The following CELSR1 variants were observed in gnomAD, a reference collection of about 807,000 sequenced individuals.
CELSR1 encodes the protein cadherin EGF LAG seven-pass G-type receptor 1.
Under a neutral mutation model 249.1 loss-of-function variants are expected in CELSR1, and 110 were observed. That is an observed-to-expected ratio of 0.44 (90% confidence interval 0.38 to 0.52). CELSR1 has a LOEUF of 0.52. Among genes scored for constraint, CELSR1 ranks in the 20% least tolerant of loss-of-function variants. CELSR1 has a pLI of 0.00. For synonymous variants in CELSR1, 2,113 were observed against 1,900.0 expected (o/e 1.11, Z -2.92); for missense variants, 4,109 against 4,296.4 (o/e 0.96, Z 1.22).
rs1376806921 is a variant in CELSR1 at position 46,537,008 on chromosome 22, C to T, written c.163G>A (p.Ala55Thr). 7 of 1,108,058 alleles carry T rather than the reference C, an allele frequency of 6.3e-6. No individual in the cohort carries two copies. Among genetic ancestry groups the T allele is most frequent in the Admixed American group, 5.0e-5 (1 of 19,822 alleles). 68.6% of individuals were successfully genotyped at this position (1,108,058 alleles called of 1,614,324 possible). A position where few individuals can be genotyped will look rare whatever the true frequency, so the allele number is the denominator to read the frequency against. ...TCCCGCGGCGCCCGGGGCGTGCAAGCGGCGCCCACCGCGTAGGTACAGCCG... is the reference window on the plus strand; with the variant it reads ...TCCCGCGGCGCCCGGGGCGTGCAAGTGGCGCCCACCGCGTAGGTACAGCCG... The part of the protein sequence containing the change: ...RPGCTYAVGA[A>T]CTPRAPRELL... Residue 55 changes from alanine (A) to threonine (T), a missense_variant, in exon 1 of 35, where the codon GCT becomes ACT. By Grantham distance (58) the Ala-to-Thr change is moderately conservative. Coordinates refer to ENST00000674500, the MANE Select transcript of CELSR1 (RefSeq NM_001378328.1). This position sits in a 1 kb window ranked among gnomAD's most constrained non-coding sequence, Gnocchi z 5.8.
intron 32 of CELSR1, 118 bp from the exon 33 acceptor site, chr22:46,364,854 C>T: frequency 9.5e-7 from 1 of 1,052,540 alleles, no homozygotes; most frequent in Non-Finnish European, 1.4e-6. Flanking sequence ...CCTGGTAGGG[C>T]TGAACCCTAA....
At chr22:46,457,432 G>A (rs768658313) in intron 2 of CELSR1, among the ~76,000 whole-genome samples, 7 of 152,236 alleles carry the variant, frequency 4.6e-5, no homozygotes, top group East Asian at 3.9e-4. Flanking sequence ...AAGCAGCCCC[G>A]GCCCACTGGC....
At position 46,432,394 on chromosome 22, in the gene CELSR1, G is replaced by A. The variant is rs1277953511; in HGVS notation, c.4611+999C>T. On this transcript the variant is annotated intron_variant, in intron 5 of 34. Coordinates refer to ENST00000674500, the MANE Select transcript of CELSR1 (RefSeq NM_001378328.1). ...GGGTCGATTCTCCTGGAGGACAGAGGAGCCCTCGTCTGCCAACCAAGCTTA... is the reference window on the plus strand; with the variant it reads ...GGGTCGATTCTCCTGGAGGACAGAGAAGCCCTCGTCTGCCAACCAAGCTTA... 2.6e-5 allele frequency among the ~76,000 whole-genome samples: 4 copies of A among 152,152 alleles called. No homozygotes were observed. In the South Asian group the frequency reaches 6.2e-4, roughly 24 times the overall value.
intron 1 of CELSR1, among the ~76,000 whole-genome samples, chr22:46,511,660 C>T (rs2080575194): frequency 6.6e-6 from 1 of 152,192 alleles, no homozygotes; most frequent in East Asian, 1.9e-4. Context: ...CCCCACAATG[C>T]CACACTCCCC....
chr22:46,378,798 C>A, intron 22 of CELSR1, 81 bp from the exon 23 acceptor site: 1 of 1,521,722 alleles, frequency 6.6e-7, no homozygotes, highest in Non-Finnish European at 8.9e-7. Context: ...TTTGCCCAGC[C>A]CTGGGGGCTC....
intron 5 of CELSR1, among the ~76,000 whole-genome samples, chr22:46,422,592 AAAAT>A (rs547687556): frequency 1.7e-4 from 25 of 149,056 alleles, no homozygotes; most frequent in South Asian, 4.2e-4. Context: ...ATAATAATAA[AAAAT>A]AAATAAATAA....
chr22:46,468,049 A>C lies in CELSR1; in HGVS notation c.3545-3704T>G, dbSNP rs2080116266. On this transcript the variant is annotated intron_variant, in intron 1 of 34. Coordinates refer to ENST00000674500, the MANE Select transcript of CELSR1 (RefSeq NM_001378328.1). The surrounding 1 kb of genome is among the most constrained non-coding windows in gnomAD (Gnocchi z 4.5). ...ATAGCAGCGCTATTCACAAGAGCTG[A>C]AACATGGAAGTGACCTGCGTCCACC... Among the ~76,000 whole-genome samples, 1 of 152,172 alleles carries C rather than the reference A, an allele frequency of 6.6e-6. No individual in the cohort carries two copies. The highest frequency in any genetic ancestry group is 2.4e-5 in the African/African-American group (1 of 41,452).
chr22:46,504,504 C>CA (rs11341314), intron 1 of CELSR1, among the ~76,000 whole-genome samples: 17,667 of 108,948 alleles, frequency 0.16, 1,382 homozygotes, highest in South Asian at 0.26. Flanking sequence ...CATCTGTCTC[C>CA]AAAAAAAAAA....
Position 46,463,760 on chromosome 22 carries a change from C to G in CELSR1, c.4130G>C (p.Arg1377Pro). The part of the protein sequence containing the change: ...CYSDPCGANG[R>P]CRSREGGYTC... ...GTAGCCGCCCTCGCGGCTGCGGCAG[C>G]GGCCGTTGGCGCCGCACGGGTCGGA... Residue 1377 changes from arginine (R) to proline (P), a missense_variant, in exon 2 of 35, where the codon CGC becomes CCC. Transcript: ENST00000674500. The G allele has an allele frequency of 3.9e-6, 6 of 1,546,860 alleles. No individual in the cohort carries two copies. The South Asian group carries it at 7.5e-5, about 19-fold the overall frequency.
At chr22:46,438,087 G>A (rs938111397) in intron 3 of CELSR1, among the ~76,000 whole-genome samples, 1 of 152,102 alleles carries the variant, frequency 6.6e-6, no homozygotes, top group Non-Finnish European at 1.5e-5. Context: ...CACCGCTGGC[G>A]ACGGAGCAAT....
rs1211344092 is a variant in CELSR1, at chr22:46,535,932, C to T, written c.1239G>A (p.Ala413=). ...CGGCCGCCTCCTCCCGGTCCAGCAC[C>T]GCCCGTGTGCTCACCACGCCAGAGC... ...NESSGVVSTR[A]VLDREEAAEY... Residue 413 remains alanine, a synonymous_variant, in exon 1 of 35, where the codon GCG becomes GCA. Coordinates refer to ENST00000674500, the MANE Select transcript of CELSR1 (RefSeq NM_001378328.1). 7 of 1,609,750 alleles carry T rather than the reference C, an allele frequency of 4.3e-6. No homozygotes were observed. The highest frequency in any genetic ancestry group is 4.0e-5 in the African/African-American group (3 of 75,060).
At position 46,500,697 on chromosome 22, in the gene CELSR1, T is replaced by C. The variant is rs1165982207; in HGVS notation, c.3544+32930A>G. The stretch of plus-strand genomic sequence containing the variant: ...TGCCATTTTTCTTACTTTATTATAA[T>C]TATCTGGTCTGTTTTCTGGGTGACC... On this transcript the variant is annotated intron_variant, in intron 1 of 34. Coordinates refer to ENST00000674500, the MANE Select transcript of CELSR1 (RefSeq NM_001378328.1). The surrounding 1 kb of genome is among the most constrained non-coding windows in gnomAD (Gnocchi z 4.9). 6.6e-6 allele frequency among the ~76,000 whole-genome samples: 1 copy of C among 152,212 alleles called. No individual in the cohort carries two copies. The highest frequency in any genetic ancestry group is 1.9e-4 in the East Asian group (1 of 5,202).
At chr22:46,515,158 G>A (rs1371701269) in intron 1 of CELSR1, among the ~76,000 whole-genome samples, 1 of 152,140 alleles carries the variant, frequency 6.6e-6, no homozygotes, top group Non-Finnish European at 1.5e-5. Context: ...GACACAGCAT[G>A]GGCAGTAGGA....
chr22:46,536,447 T>C lies in CELSR1; in HGVS notation c.724A>G (p.Ser242Gly). 2 of 1,611,344 alleles carry C rather than the reference T, an allele frequency of 1.2e-6. No individual in the cohort carries two copies. Among genetic ancestry groups the C allele is most frequent in the South Asian group, 2.2e-5 (2 of 91,032 alleles). Residue 242 changes from serine to glycine, a missense_variant, in exon 1 of 35, where the codon AGC (serine) becomes GGC (glycine). This residue lies in a region of CELSR1 where 673 missense variants were observed against 636.8 expected (regional missense o/e 1.06). Coordinates refer to ENST00000674500, the MANE Select transcript of CELSR1 (RefSeq NM_001378328.1). ...RARRGTSGRG[S>G]LKFPMPNYQV... ...TAGTTGGGCATCGGAAACTTCAGGC[T>C]CCCTCTGCCGCTCGTGCCCCGCCGG...
rs1001418167 is a variant in CELSR1 at position 46,391,922 on chromosome 22, T to C, written c.5965-106A>G. ...CCAGACTCCCACCCGGGTGTGTGTG[T>C]TGGCCGCCAGCCATCCCACCCCTCA... On this transcript the variant is annotated intron_variant, in intron 14 of 34. Transcript: ENST00000674500. This position sits in a 1 kb window ranked among gnomAD's most constrained non-coding sequence, Gnocchi z 4.3. 4 of 1,241,536 alleles carry C rather than the reference T, an allele frequency of 3.2e-6. No homozygotes were observed. Among genetic ancestry groups the C allele is most frequent in the Admixed American group, 5.5e-5 (2 of 36,350 alleles). The allele number at this position is 1,241,536 out of a possible 1,614,324, so 76.9% of individuals were successfully genotyped here. A position where few individuals can be genotyped will look rare whatever the true frequency, so the allele number is the denominator to read the frequency against.
intron 33 of CELSR1, 50 bp from the exon 34 acceptor site, chr22:46,364,301 G>A (rs759283352): frequency 3.8e-6 from 6 of 1,590,184 alleles, no homozygotes. Flanking sequence ...GCTGCCGGGG[G>A]CAGCTGCTGG....
chr22:46,480,605 G>T (rs2080256755), intron 1 of CELSR1, among the ~76,000 whole-genome samples: 4 of 152,260 alleles, frequency 2.6e-5, no homozygotes, highest in Admixed American at 2.6e-4. Context: ...AAACACTTCT[G>T]GTAAACAGGA....
At position 46,399,687 on chromosome 22, in the gene CELSR1, T is replaced by G. The variant is rs2079189842; in HGVS notation, c.5412+30A>C. 1 of 1,607,816 alleles carries G rather than the reference T, an allele frequency of 6.2e-7. No homozygotes were observed. Reference sequence around the variant, plus strand: ...TTCCCTGGGCCGGAGGAAGGGTCTATCCCCAGAGGAGGTGCAGGTGCCAGC... The same window carrying G: ...TTCCCTGGGCCGGAGGAAGGGTCTAGCCCCAGAGGAGGTGCAGGTGCCAGC... On this transcript the variant is annotated intron_variant, in intron 10 of 34. Coordinates refer to ENST00000674500, the MANE Select transcript of CELSR1 (RefSeq NM_001378328.1). This position sits in a 1 kb window ranked among gnomAD's most constrained non-coding sequence, Gnocchi z 5.0.
At chr22:46,521,441 C>T (rs1199626586) in intron 1 of CELSR1, among the ~76,000 whole-genome samples, 2 of 150,092 alleles carry the variant, frequency 1.3e-5, no homozygotes, top group Non-Finnish European at 3.0e-5. Context: ...GGAGGCGGAG[C>T]TTGCAGTGAG....
Sources: allele counts gnomAD v4.1 joint callset (sites outside exome capture counted in the v4.1 genomes callset), GRCh38; gene constraint gnomAD v4.1.1; regional missense constraint gnomAD v4.1.1; non-coding constraint Gnocchi (gnomAD v3.1); transcripts MANE v1.5; gene names NCBI Gene and HGNC (gene_info 2026-07-23, HGNC 2026-07-21).